Variants in PGCKA1 observed in about 807,000 individuals in gnomAD.
PGCKA1 encodes PDCD10 and GCKIII kinases-associated protein 1.
the PGCKA1 span, among the ~76,000 whole-genome samples, chr4:37,587,675 T>G: frequency 6.6e-6 from 1 of 152,164 alleles, no homozygotes; most frequent in African/African-American, 2.4e-5. Flanking sequence ...GCTTGTCTTT[T>G]TAAAGGCTGT....
chr4:37,537,655 C>G, the PGCKA1 span, among the ~76,000 whole-genome samples: 66 of 152,290 alleles, frequency 4.3e-4, no homozygotes, highest in African/African-American at 1.5e-3. Flanking sequence ...TGAGTTCTCT[C>G]TTTGACAGGA....
the PGCKA1 span, chr4:37,591,205 G>A: frequency 2.0e-6 from 1 of 495,568 alleles, no homozygotes; most frequent in Non-Finnish European, 3.6e-6. Context: ...TAGATGAGCT[G>A]TCATTCAGGA....
chr4:37,552,881 C>T, the PGCKA1 span, among the ~76,000 whole-genome samples: 1 of 152,242 alleles, frequency 6.6e-6, no homozygotes, highest in African/African-American at 2.4e-5. Flanking sequence ...TTTCAGTAAC[C>T]TGGCCATATA....
chr4:37,548,560 A>G, the PGCKA1 span, among the ~76,000 whole-genome samples: 1 of 152,182 alleles, frequency 6.6e-6, no homozygotes, highest in Non-Finnish European at 1.5e-5. Flanking sequence ...AAGAGTCTAT[A>G]AAATCTTACC....
chr4:37,456,860 TAGAGG>T, the PGCKA1 span, among the ~76,000 whole-genome samples: 1 of 152,128 alleles, frequency 6.6e-6, no homozygotes, highest in Non-Finnish European at 1.5e-5. Flanking sequence ...AAATTTAAAT[TAGAGG>T]AGAGAGAGAA....
At chr4:37,568,162 G>T in the PGCKA1 span, among the ~76,000 whole-genome samples, 2 of 152,208 alleles carry the variant, frequency 1.3e-5, no homozygotes, top group Admixed American at 6.5e-5. Context: ...GCCAGCCTTG[G>T]TAAAGGCTAG....
At chr4:37,578,151 G>A in the PGCKA1 span, among the ~76,000 whole-genome samples, 45,083 of 152,060 alleles carry the variant, frequency 0.3, 7,906 homozygotes, top group Middle Eastern at 0.38. Context: ...GGGTGTTGAA[G>A]TCTCCAGCTA....
chr4:37,546,752 A>G, the PGCKA1 span, among the ~76,000 whole-genome samples: 3 of 152,202 alleles, frequency 2.0e-5, no homozygotes, highest in African/African-American at 7.2e-5. Flanking sequence ...TGCCCTGTGG[A>G]GCATCCCTGC....
chr4:37,544,750 G>C, the PGCKA1 span, among the ~76,000 whole-genome samples: 1 of 151,118 alleles, frequency 6.6e-6, no homozygotes. Flanking sequence ...GTTGGGGGTT[G>C]GTTTTTTGTT....
chr4:37,562,733 A>G, the PGCKA1 span, among the ~76,000 whole-genome samples: 1 of 152,160 alleles, frequency 6.6e-6, no homozygotes, highest in Admixed American at 6.5e-5. Flanking sequence ...TCTAGTACTT[A>G]TGACACTATA....
the PGCKA1 span, among the ~76,000 whole-genome samples, chr4:37,574,735 C>A: frequency 6.6e-6 from 1 of 151,890 alleles, no homozygotes; most frequent in Non-Finnish European, 1.5e-5. Context: ...ATTAGCCATC[C>A]CCACTTCTCT....
the PGCKA1 span, among the ~76,000 whole-genome samples, chr4:37,560,559 C>T: frequency 6.6e-6 from 1 of 152,154 alleles, no homozygotes; most frequent in Non-Finnish European, 1.5e-5. Context: ...GCCTTTCAGT[C>T]GTTGCTCTTC....
chr4:37,481,464 C>CAAAAAAAAAAAAAA, the PGCKA1 span, among the ~76,000 whole-genome samples: 93 of 61,374 alleles, frequency 1.5e-3, 6 homozygotes, highest in East Asian at 2.4e-3. Context: ...GACCTGTCTC[C>CAAAAAAAAAAAAAA]AAAAAAAAAA....
chr4:37,472,254 C>G, the PGCKA1 span, among the ~76,000 whole-genome samples: 1 of 152,190 alleles, frequency 6.6e-6, no homozygotes, highest in Non-Finnish European at 1.5e-5. Flanking sequence ...TCTCTTCATT[C>G]TCAGAGGATA....
the PGCKA1 span, among the ~76,000 whole-genome samples, chr4:37,559,720 G>C: frequency 9.2e-5 from 14 of 152,072 alleles, no homozygotes; most frequent in African/African-American, 2.9e-4. Flanking sequence ...TTAGGACCCA[G>C]GTACTGTGAA....
the PGCKA1 span, among the ~76,000 whole-genome samples, chr4:37,463,292 T>C: frequency 5.3e-5 from 8 of 152,226 alleles, no homozygotes; most frequent in Admixed American, 4.6e-4. Flanking sequence ...CCTGGTTTGC[T>C]GGCTACCTGG....
At chr4:37,466,945 A>G in the PGCKA1 span, among the ~76,000 whole-genome samples, 1 of 152,198 alleles carries the variant, frequency 6.6e-6, no homozygotes, top group Non-Finnish European at 1.5e-5. Flanking sequence ...TAAAAATACA[A>G]AAATTAGCTG....
the PGCKA1 span, among the ~76,000 whole-genome samples, chr4:37,536,791 A>T: frequency 6.6e-6 from 1 of 152,234 alleles, no homozygotes; most frequent in Non-Finnish European, 1.5e-5. Context: ...TCCAATAGAC[A>T]TGTATTTGTT....
the PGCKA1 span, among the ~76,000 whole-genome samples, chr4:37,585,121 G>A: frequency 4.4e-5 from 5 of 112,894 alleles, no homozygotes; most frequent in Non-Finnish European, 8.6e-5. Flanking sequence ...AAAGGGTCAG[G>A]ATTTCAGAGC....
Sources: allele counts gnomAD v4.1 joint callset (sites outside exome capture counted in the v4.1 genomes callset), GRCh38; gene constraint gnomAD v4.1.1; transcripts MANE v1.5; gene names NCBI Gene and HGNC (gene_info 2026-07-23, HGNC 2026-07-21).